DOK6: variants seen among roughly 807,000 people sequenced by gnomAD.
DOK6 encodes the protein docking protein 6.
In DOK6, 22 loss-of-function variants were observed where a neutral mutation model predicts 44.0. The observed-to-expected ratio is 0.50, with a 90% CI of 0.36 to 0.71. The LOEUF (loss-of-function observed/expected upper bound fraction) is 0.71, where lower values mean the gene tolerates loss of function less well. DOK6 is among the 30% of genes least tolerant of loss of function. The pLI, the probability that DOK6 is intolerant of heterozygous loss-of-function variation, is 0.00. For synonymous variants in DOK6, 166 were observed against 145.5 expected (o/e 1.14, Z -1.01); for missense variants, 340 against 416.4 (o/e 0.82, Z 1.60).
At chr18:69,472,415 G>A (rs1166136488) in intron 1 of DOK6, among the ~76,000 whole-genome samples, 1 of 152,104 alleles carries the variant, frequency 6.6e-6, no homozygotes, top group African/African-American at 2.4e-5. Flanking sequence ...TCATATTCTT[G>A]CCTTAGGGTC....
intron 4 of DOK6, among the ~76,000 whole-genome samples, chr18:69,683,793 A>G (rs1394225860): frequency 1.3e-5 from 2 of 152,238 alleles, no homozygotes; most frequent in African/African-American, 4.8e-5. Flanking sequence ...GGAAACAAAT[A>G]CCAGCCCTGT....
chr18:69,495,853 C>T (rs1980870586), intron 1 of DOK6, among the ~76,000 whole-genome samples: 5 of 152,232 alleles, frequency 3.3e-5, no homozygotes, highest in Admixed American at 2.6e-4. Context: ...GCTGTGTGGG[C>T]AGGGGCTGGT....
At chr18:69,467,966 G>GA (rs1327836708) in intron 1 of DOK6, among the ~76,000 whole-genome samples, 1 of 152,086 alleles carries the variant, frequency 6.6e-6, no homozygotes, top group Non-Finnish European at 1.5e-5. Flanking sequence ...TTGCAGTTTT[G>GA]AAAAGCACTA....
chr18:69,499,042 G>A (rs1357577065), intron 1 of DOK6, among the ~76,000 whole-genome samples: 6 of 152,060 alleles, frequency 3.9e-5, no homozygotes, highest in Non-Finnish European at 7.4e-5. Flanking sequence ...AGATTGATGT[G>A]TTTATTATTT....
chr18:69,612,875 C>T (rs1278022560), intron 3 of DOK6, among the ~76,000 whole-genome samples: 2 of 150,558 alleles, frequency 1.3e-5, no homozygotes, highest in African/African-American at 2.4e-5. Context: ...TTTTGCTTTT[C>T]TTTCTTTCTT....
intron 3 of DOK6, among the ~76,000 whole-genome samples, chr18:69,637,992 G>C (rs1984848463): frequency 6.6e-6 from 1 of 152,188 alleles, no homozygotes; most frequent in East Asian, 1.9e-4. Flanking sequence ...AAAAAGTTGA[G>C]CGTCGTACTC....
intron 1 of DOK6, among the ~76,000 whole-genome samples, chr18:69,530,910 TA>T (rs953109768): frequency 2.0e-5 from 3 of 152,184 alleles, no homozygotes; most frequent in African/African-American, 7.2e-5. Context: ...AGTCTCTTTG[TA>T]GGTCTCTAAG....
intron 1 of DOK6, among the ~76,000 whole-genome samples, chr18:69,497,794 T>G (rs1228920616): frequency 6.6e-6 from 1 of 152,190 alleles, no homozygotes; most frequent in African/African-American, 2.4e-5. Context: ...GTGTTAAAAT[T>G]AAAACTTGAG....
chr18:69,545,658 A>G (rs1193064191), intron 1 of DOK6, among the ~76,000 whole-genome samples: 1 of 151,426 alleles, frequency 6.6e-6, no homozygotes, highest in Non-Finnish European at 1.5e-5. Flanking sequence ...AAGCTAAATA[A>G]TAGAACTGGA....
At chr18:69,494,400 C>A (rs1980821765) in intron 1 of DOK6, among the ~76,000 whole-genome samples, 1 of 152,064 alleles carries the variant, frequency 6.6e-6, no homozygotes, top group Admixed American at 6.5e-5. Flanking sequence ...TGCTTGAACC[C>A]AGGAGACAGA....
chr18:69,720,764 C>T (rs1697708258), intron 5 of DOK6, among the ~76,000 whole-genome samples: 1 of 152,024 alleles, frequency 6.6e-6, no homozygotes, highest in South Asian at 2.1e-4. Context: ...GGGCACAGTG[C>T]CAGATAGACA....
At chr18:69,471,250 C>CAAAAAA (rs71176969) in intron 1 of DOK6, among the ~76,000 whole-genome samples, 23 of 27,764 alleles carry the variant, frequency 8.3e-4, no homozygotes, top group African/African-American at 1.4e-3. Flanking sequence ...AACTCCATCT[C>CAAAAAA]AAAAAAAAAA....
At chr18:69,621,781 T>A (rs1392837387) in intron 3 of DOK6, among the ~76,000 whole-genome samples, 1 of 152,196 alleles carries the variant, frequency 6.6e-6, no homozygotes, top group Non-Finnish European at 1.5e-5. Context: ...TTGGATACCT[T>A]TCTTTTGGAA....
chr18:69,815,774 GATAC>G (rs1485579971), intron 7 of DOK6, among the ~76,000 whole-genome samples: 1 of 152,030 alleles, frequency 6.6e-6, no homozygotes, highest in African/African-American at 2.4e-5. Context: ...ATAGATAGTA[GATAC>G]ATACATACAT....
At chr18:69,474,629 G>T (rs138335988) in intron 1 of DOK6, among the ~76,000 whole-genome samples, 6 of 152,026 alleles carry the variant, frequency 3.9e-5, no homozygotes, top group Non-Finnish European at 7.4e-5. Context: ...GCCATTTTTC[G>T]ATTTTGAACC....
At chr18:69,817,902 G>A (rs1271126929) in intron 7 of DOK6, among the ~76,000 whole-genome samples, 1 of 152,096 alleles carries the variant, frequency 6.6e-6, no homozygotes, top group Admixed American at 6.6e-5. Flanking sequence ...ATCCAATTAT[G>A]GATTTTATTT....
At chr18:69,631,105 T>C (rs943099558) in intron 3 of DOK6, among the ~76,000 whole-genome samples, 2 of 152,142 alleles carry the variant, frequency 1.3e-5, no homozygotes, top group African/African-American at 4.8e-5. Context: ...TAGCTATGTC[T>C]TCTTAAAAAA....
At chr18:69,649,648 G>T (rs950913594) in intron 3 of DOK6, among the ~76,000 whole-genome samples, 2 of 152,042 alleles carry the variant, frequency 1.3e-5, no homozygotes, top group South Asian at 2.1e-4. Flanking sequence ...AAATGGATTT[G>T]AATTAATGAG....
rs1980352031 is a variant in DOK6 at position 69,783,898 on chromosome 18, G to A, written c.856+26025G>A. Reference sequence around the variant, plus strand: ...AAATGTTCCGCAAGTGATATTTAACGATTTTCTGCCCTTGGCTGGGCGTGG... The same window carrying A: ...AAATGTTCCGCAAGTGATATTTAACAATTTTCTGCCCTTGGCTGGGCGTGG... On this transcript the variant is annotated intron_variant, in intron 7 of 7. Coordinates refer to ENST00000382713, the MANE Select transcript of DOK6 (RefSeq NM_152721.6). 2.0e-5 allele frequency among the ~76,000 whole-genome samples: 3 copies of A among 152,076 alleles called. No individual in the cohort carries two copies. In the South Asian group the frequency reaches 6.2e-4, roughly 32 times the overall value.
Sources: allele counts gnomAD v4.1 joint callset (sites outside exome capture counted in the v4.1 genomes callset), GRCh38; gene constraint gnomAD v4.1.1; transcripts MANE v1.5; gene names NCBI Gene and HGNC (gene_info 2026-07-23, HGNC 2026-07-21).